RBFOX1: variants seen among roughly 807,000 people sequenced by gnomAD.
RBFOX1 encodes RNA binding protein fox-1 homolog 1.
A neutral mutation model predicts 57.7 loss-of-function variants in RBFOX1; 8 were observed. The ratio of observed to expected loss-of-function variants is 0.14; its 90% CI spans 0.08 to 0.25. The LOEUF is 0.25. RBFOX1 is among the 10% of genes least tolerant of loss of function. The pLI is 1.00. For synonymous variants in RBFOX1, 326 were observed against 222.4 expected (o/e 1.47, Z -4.15); for missense variants, 611 against 548.5 (o/e 1.11, Z -1.14).
intron 4 of RBFOX1, among the ~76,000 whole-genome samples, chr16:7,101,738 T>C (rs897940496): frequency 1.3e-5 from 2 of 152,154 alleles, no homozygotes; most frequent in Non-Finnish European, 2.9e-5. Context: ...AGAAGACAAG[T>C]ACAGGTTCTG....
intron 2 of RBFOX1, among the ~76,000 whole-genome samples, chr16:6,503,746 C>T (rs545108966): frequency 6.6e-6 from 1 of 152,282 alleles, no homozygotes; most frequent in South Asian, 2.1e-4. Context: ...AATCAAGACA[C>T]ACAGCCAATC....
chr16:7,084,347 G>C (rs1222599447), intron 4 of RBFOX1, among the ~76,000 whole-genome samples: 3 of 151,782 alleles, frequency 2.0e-5, no homozygotes, highest in African/African-American at 7.3e-5. Flanking sequence ...AGGGAAGAAA[G>C]AAAAAAATGT....
Position 6,076,539 on chromosome 16 carries a change from C to G in RBFOX1, c.-127+56547C>G, listed in dbSNP as rs563616325. On this transcript the variant is annotated intron_variant, in intron 1 of 15. Transcript: ENST00000550418. ...CTGGAGGACAGTGGTGCGATCATAGCTCACTGCAGCCTCGATCTCCTGGCC... is the reference window on the plus strand; with the variant it reads ...CTGGAGGACAGTGGTGCGATCATAGGTCACTGCAGCCTCGATCTCCTGGCC... Among the ~76,000 whole-genome samples, 15 of 152,206 alleles carry G rather than the reference C, an allele frequency of 9.9e-5. No homozygotes were observed. In the South Asian group the frequency reaches 3.1e-3, roughly 32 times the overall value.
chr16:6,410,706 T>C (rs1436280836), intron 2 of RBFOX1, among the ~76,000 whole-genome samples: 6 of 152,170 alleles, frequency 3.9e-5, no homozygotes, highest in Admixed American at 3.9e-4. Context: ...TTGAATCACG[T>C]GTGTCTATCC....
At chr16:6,134,058 C>A (rs1425288133) in intron 1 of RBFOX1, among the ~76,000 whole-genome samples, 1 of 151,702 alleles carries the variant, frequency 6.6e-6, no homozygotes, top group East Asian at 1.9e-4. Flanking sequence ...TGCCTCAGCC[C>A]CCCAGGTAAC....
chr16:5,974,940 G>A (rs955507253), intron 4 of RBFOX1, among the ~76,000 whole-genome samples: 1 of 152,108 alleles, frequency 6.6e-6, no homozygotes, highest in South Asian at 2.1e-4. Context: ...CCTAGGAGAC[G>A]GAGGTTGCGG....
At chr16:6,929,891 A>G (rs979643085) in intron 3 of RBFOX1, among the ~76,000 whole-genome samples, 3 of 152,138 alleles carry the variant, frequency 2.0e-5, no homozygotes, top group African/African-American at 4.8e-5. Context: ...TTTAGCCCTT[A>G]TGGAGGACAG....
chr16:7,667,187 C>A (rs2069635563), intron 13 of RBFOX1, among the ~76,000 whole-genome samples: 1 of 152,162 alleles, frequency 6.6e-6, no homozygotes, highest in African/African-American at 2.4e-5. Flanking sequence ...ATCTGGTAGA[C>A]CTTCCTGAAT....
rs546374279 is a variant in RBFOX1 at position 6,793,271 on chromosome 16, C to G, written c.-16+138621C>G. 3.3e-5 allele frequency among the ~76,000 whole-genome samples: 5 copies of G among 152,214 alleles called. No homozygotes were observed. The East Asian group carries it at 9.6e-4, about 29-fold the overall frequency. On this transcript the variant is annotated intron_variant, in intron 3 of 15. Coordinates refer to ENST00000550418, the MANE Select transcript of RBFOX1 (RefSeq NM_018723.4). ...AGACCGATTGGAGGAGAAATGTGGT[C>G]CCCCTGTTAGGCTTAGATTTTACAT...
intron 3 of RBFOX1, among the ~76,000 whole-genome samples, chr16:6,838,956 A>C (rs930614117): frequency 6.6e-6 from 1 of 151,964 alleles, no homozygotes; most frequent in African/African-American, 2.4e-5. Context: ...TTAAGAAAAA[A>C]TAAGGGGAGG....
chr16:5,616,252 C>A (rs997991834), intron 3 of RBFOX1: 1 of 152,384 alleles, frequency 6.6e-6, no homozygotes, highest in Non-Finnish European at 1.5e-5. Context: ...CCCTCTGCCT[C>A]CCGCGGCTGG....
intron 3 of RBFOX1, among the ~76,000 whole-genome samples, chr16:6,882,598 A>G (rs1027193998): frequency 6.6e-6 from 1 of 152,132 alleles, no homozygotes; most frequent in Non-Finnish European, 1.5e-5. Flanking sequence ...TCTGAAAATA[A>G]ATAAATATAA....
chr16:7,380,088 C>T (rs928479772), intron 4 of RBFOX1, among the ~76,000 whole-genome samples: 15 of 152,198 alleles, frequency 9.9e-5, no homozygotes, highest in African/African-American at 3.6e-4. Context: ...GAACTCTTGG[C>T]CTCAAGTAGT....
intron 2 of RBFOX1, among the ~76,000 whole-genome samples, chr16:6,496,564 C>T (rs943642533): frequency 2.0e-5 from 3 of 152,188 alleles, no homozygotes; most frequent in Non-Finnish European, 4.4e-5. Context: ...AAAGCTGTTG[C>T]TGCATTACAT....
chr16:6,791,763 A>C (rs1448775648), intron 3 of RBFOX1, among the ~76,000 whole-genome samples: 2 of 152,106 alleles, frequency 1.3e-5, no homozygotes, highest in Non-Finnish European at 2.9e-5. Flanking sequence ...TCTGTCTCAA[A>C]AAAAGCATCA....
intron 3 of RBFOX1, among the ~76,000 whole-genome samples, chr16:6,752,895 A>G (rs1252283769): frequency 2.0e-5 from 3 of 151,926 alleles, no homozygotes; most frequent in African/African-American, 7.3e-5. Flanking sequence ...GTTCTCCCAG[A>G]GAATTTTTAT....
chr16:6,231,270 C>T (rs933214967), intron 1 of RBFOX1, among the ~76,000 whole-genome samples: 3 of 149,132 alleles, frequency 2.0e-5, no homozygotes, highest in African/African-American at 4.9e-5. Context: ...TCCTTATAAG[C>T]CAACAGGTAC....
At chr16:6,874,128 C>A (rs140347512) in intron 3 of RBFOX1, 1 of 152,072 alleles carries the variant, frequency 6.6e-6, no homozygotes, top group Admixed American at 6.5e-5. Flanking sequence ...AAATATGGAA[C>A]CAGCCGAAAT....
chr16:6,181,227 G>A (rs2097059979), intron 1 of RBFOX1, among the ~76,000 whole-genome samples: 2 of 152,150 alleles, frequency 1.3e-5, no homozygotes, highest in Non-Finnish European at 2.9e-5. Flanking sequence ...CCTTCTACCT[G>A]AAAACACATG....
Sources: allele counts gnomAD v4.1 joint callset (sites outside exome capture counted in the v4.1 genomes callset), GRCh38; gene constraint gnomAD v4.1.1; transcripts MANE v1.5; gene names NCBI Gene and HGNC (gene_info 2026-07-23, HGNC 2026-07-21).